The following SPOCK2 variants were observed in gnomAD, a reference collection of about 807,000 sequenced individuals.
The protein encoded by SPOCK2 is SPARC (osteonectin), cwcv and kazal like domains proteoglycan 2.
Under a neutral mutation model 60.1 loss-of-function variants are expected in SPOCK2, and 39 were observed. The ratio of observed to expected loss-of-function variants is 0.65; its 90% CI spans 0.50 to 0.85. The LOEUF (loss-of-function observed/expected upper bound fraction) is 0.85. SPOCK2 is among the 40% of genes least tolerant of loss of function. The pLI is 0.00. For missense variants in SPOCK2, 523 were observed against 567.4 expected (o/e 0.92, Z 0.80); for synonymous variants, 217 against 231.5 (o/e 0.94, Z 0.57).
At chr10:72,077,960 C>T (rs1840736053) in intron 1 of SPOCK2, among the ~76,000 whole-genome samples, 1 of 152,202 alleles carries the variant, frequency 6.6e-6, no homozygotes, top group East Asian at 1.9e-4. Flanking sequence ...GCTGCGGCCA[C>T]CCGGATCCTT....
chr10:72,072,681 CT>C (rs1554821401), intron 2 of SPOCK2, 133 bp from the exon 3 acceptor site: 1 of 1,271,186 alleles, frequency 7.9e-7, no homozygotes, highest in Non-Finnish European at 1.1e-6. Context: ...TGGCTGACCC[CT>C]GTCCACCCAG....
At chr10:72,071,268 C>G (rs1283337864) in intron 4 of SPOCK2, among the ~76,000 whole-genome samples, 1 of 152,010 alleles carries the variant, frequency 6.6e-6, no homozygotes, top group African/African-American at 2.4e-5. Context: ...CGGCTCACTG[C>G]AACCTCCGCC....
chr10:72,088,373 T>G lies in SPOCK2; in HGVS notation c.-45A>C. 1 of 1,472,722 alleles carries G rather than the reference T, an allele frequency of 6.8e-7. No individual in the cohort carries two copies. The highest frequency in any genetic ancestry group is 9.0e-7 in the Non-Finnish European group (1 of 1,113,008). The allele number at this position is 1,472,722 out of a possible 1,614,324, so 91.2% of individuals were successfully genotyped here. ...GGGGGGGTCTTGACTTCTGCAGTAT[T>G]TTAATGTCCTTCCTCCCACCCCGCT... On this transcript the variant is annotated 5_prime_UTR_variant, in exon 1 of 11. Coordinates refer to ENST00000373109, the MANE Select transcript of SPOCK2 (RefSeq NM_001244950.2).
In SPOCK2 at chr10:72,088,349, G is replaced by A. The variant is rs774626132; in HGVS notation, c.-21C>T. 3.5e-6 allele frequency: 5 copies of A among 1,419,428 alleles called. No homozygotes were observed. The Admixed American group carries it at 8.8e-5, about 25-fold the overall frequency. The allele number at this position is 1,419,428 out of a possible 1,614,324, so 87.9% of individuals were successfully genotyped here. On this transcript the variant is annotated 5_prime_UTR_variant, in exon 1 of 11. Transcript: ENST00000373109. ...CGCATCGTGGTCTGGGTTCGACCTG[G>A]GGGGGTCTTGACTTCTGCAGTATTT...
chr10:72,067,077 G>A lies in SPOCK2; in HGVS notation c.753C>T (p.Gly251=). Residue 251 remains glycine (G), a synonymous_variant, in exon 8 of 11, where the codon GGC becomes GGT. Coordinates refer to ENST00000373109, the MANE Select transcript of SPOCK2 (RefSeq NM_001244950.2). ...TGGTGTCCAGCTTGGAGAACATCCAGCCAATGGAGTCCTTGCAGCTGGCCC... is the reference window on the plus strand; with the variant it reads ...TGGTGTCCAGCTTGGAGAACATCCAACCAATGGAGTCCTTGCAGCTGGCCC... ...SLGASCKDSI[G]WMFSKLDTSA... 4 of 1,614,190 alleles carry A rather than the reference G, an allele frequency of 2.5e-6. No homozygotes were observed. In the Admixed American group the frequency reaches 6.7e-5, roughly 27 times the overall value.
At chr10:72,074,743 C>T (rs1840692928) in intron 1 of SPOCK2, among the ~76,000 whole-genome samples, 1 of 152,196 alleles carries the variant, frequency 6.6e-6, no homozygotes, top group African/African-American at 2.4e-5. Context: ...CCGCAGACTG[C>T]TCCCGTGAGA....
At chr10:72,082,577 G>A (rs1840800353) in intron 1 of SPOCK2, among the ~76,000 whole-genome samples, 1 of 152,056 alleles carries the variant, frequency 6.6e-6, no homozygotes, top group Non-Finnish European at 1.5e-5. Context: ...GCTAGAGGCT[G>A]GCACAGTGGC....
chr10:72,068,052 C>A, intron 6 of SPOCK2, 135 bp downstream of exon 6: 1 of 1,047,692 alleles, frequency 9.5e-7, no homozygotes. Flanking sequence ...TCTGACCTCA[C>A]AGCTCCCTCA....
rs1300869698 is a variant in SPOCK2 at position 72,059,275 on chromosome 10, CTTTG to C, written c.*3481_*3484del. On this transcript the variant is annotated 3_prime_UTR_variant, in exon 11 of 11. Coordinates refer to ENST00000373109, the MANE Select transcript of SPOCK2 (RefSeq NM_001244950.2). Reference sequence around the variant, plus strand: ...CAACGCACACGCACACAGTCTAACACTTTGTTTTTCAATTTTTTAAAAGACATCT... The same window carrying C: ...CAACGCACACGCACACAGTCTAACACTTTTTCAATTTTTTAAAAGACATCT... The C allele has an allele frequency of 1.3e-5, 2 of 152,614 alleles. No individual in the cohort carries two copies. The highest frequency in any genetic ancestry group is 4.8e-5 in the African/African-American group (2 of 41,402). 9.5% of individuals were successfully genotyped at this position (152,614 alleles called of 1,614,324 possible).
At chr10:72,073,986 C>T (rs554391186) in intron 1 of SPOCK2, among the ~76,000 whole-genome samples, 31 of 152,186 alleles carry the variant, frequency 2.0e-4, no homozygotes, top group African/African-American at 6.5e-4. Context: ...ACTTCCTCTG[C>T]GTGGGGCTCC....
intron 8 of SPOCK2, among the ~76,000 whole-genome samples, chr10:72,065,922 T>C (rs918471463): frequency 1.3e-5 from 2 of 152,188 alleles, no homozygotes; most frequent in African/African-American, 4.8e-5. Flanking sequence ...CAGAAAGATG[T>C]GGTCACTTGC....
intron 8 of SPOCK2, among the ~76,000 whole-genome samples, chr10:72,065,324 C>T (rs928541397): frequency 2.6e-5 from 4 of 152,256 alleles, no homozygotes; most frequent in African/African-American, 7.2e-5. Flanking sequence ...GCGTGAGCCA[C>T]CGCGCCCGGT....
At position 72,088,222 on chromosome 10, in the gene SPOCK2, C is replaced by G; in HGVS notation, c.107G>C (p.Gly36Ala). Residue 36 changes from glycine to alanine, a missense_variant, in exon 1 of 11, where the codon GGC becomes GCC. By Grantham distance (60) the Gly-to-Ala change is moderately conservative. Transcript: ENST00000373109. ...CCATTGCTCGTCCTCCATGAAATTG[C>G]CGGGGGTCTCGCCCTCCTTGAGCCC... ...AKGLKEGETP[G>A]NFMEDEQWLS... 6.2e-7 allele frequency: 1 copy of G among 1,612,616 alleles called. No individual in the cohort carries two copies.
chr10:72,087,828 C>A lies in SPOCK2; in HGVS notation c.189+312G>T, dbSNP rs550159355. ...GTCCAGCGGCAGCCGGGGTCCGGGTCCCCCCGGCCCCGCACCCCTTCCCAC... is the reference window on the plus strand; with the variant it reads ...GTCCAGCGGCAGCCGGGGTCCGGGTACCCCCGGCCCCGCACCCCTTCCCAC... On this transcript the variant is annotated intron_variant, in intron 1 of 10. Transcript: ENST00000373109. The surrounding 1 kb of genome is among the most constrained non-coding windows in gnomAD (Gnocchi z 4.7). Among the ~76,000 whole-genome samples, 127 of 152,112 alleles carry A rather than the reference C, an allele frequency of 8.3e-4. 1 individual carries two copies. The Middle Eastern group carries it at 0.017, about 21-fold the overall frequency.
Position 72,068,274 on chromosome 10 carries a change from T to G in SPOCK2, c.502A>C (p.Ser168Arg), listed in dbSNP as rs1395870754. Residue 168 changes from serine to arginine, a missense_variant, in exon 6 of 11, where the codon AGC becomes CGC. By Grantham distance (110) the Ser-to-Arg change is moderately radical. Coordinates refer to ENST00000373109, the MANE Select transcript of SPOCK2 (RefSeq NM_001244950.2). ...VCKLEQQACLSSKQLAVRCEG... is the reference protein window; with the variant it reads ...VCKLEQQACLRSKQLAVRCEG... ...CATCGCACCGCCAGCTGCTTGCTGCTCAGGCACGCCTGTTGCTCCAGCTTA... is the reference window on the plus strand; with the variant it reads ...CATCGCACCGCCAGCTGCTTGCTGCGCAGGCACGCCTGTTGCTCCAGCTTA... 1.9e-6 allele frequency: 3 copies of G among 1,611,810 alleles called. No homozygotes were observed. Among genetic ancestry groups the G allele is most frequent in the Non-Finnish European group, 1.7e-6 (2 of 1,179,318 alleles).
Position 72,087,688 on chromosome 10 carries a change from G to A in SPOCK2, c.189+452C>T, listed in dbSNP as rs1840880158. 6.6e-6 allele frequency among the ~76,000 whole-genome samples: 1 copy of A among 152,210 alleles called. No individual in the cohort carries two copies. The highest frequency in any genetic ancestry group is 1.9e-4 in the East Asian group (1 of 5,184). Reference sequence around the variant, plus strand: ...GCGAGCCGATGCCACCCTCACTGCCGGCCCCACCCAGACCTGCCGGTGCTG... The same window carrying A: ...GCGAGCCGATGCCACCCTCACTGCCAGCCCCACCCAGACCTGCCGGTGCTG... On this transcript the variant is annotated intron_variant, in intron 1 of 10. Coordinates refer to ENST00000373109, the MANE Select transcript of SPOCK2 (RefSeq NM_001244950.2). This position sits in a 1 kb window ranked among gnomAD's most constrained non-coding sequence, Gnocchi z 4.7.
Position 72,088,308 on chromosome 10 carries a change from C to T in SPOCK2, c.21G>A (p.Gly7=), listed in dbSNP as rs564209448. ...GGAGCAGCAGCGGCAGCACCAGCCG[C>T]CCGCAGCCCGGGGCGCGCATCGTGG... MRAPGC[G]RLVLPLLLLA... Residue 7 remains glycine, a synonymous_variant, in exon 1 of 11, where the codon GGG becomes GGA. Transcript: ENST00000373109. The T allele has an allele frequency of 5.0e-6, 8 of 1,587,380 alleles. No homozygotes were observed. The East Asian group carries it at 1.4e-4, about 27-fold the overall frequency.
intron 1 of SPOCK2, among the ~76,000 whole-genome samples, chr10:72,075,425 G>T (rs2131818307): frequency 6.6e-6 from 1 of 151,994 alleles, no homozygotes; most frequent in African/African-American, 2.4e-5. Context: ...TAGGGAAGGT[G>T]CCTCCAGCCC....
In SPOCK2 at chr10:72,066,983, G is replaced by T; in HGVS notation, c.847C>A (p.Arg283Ser). 1 of 1,614,164 alleles carries T rather than the reference G, an allele frequency of 6.2e-7. No individual in the cohort carries two copies. Among genetic ancestry groups the T allele is most frequent in the Non-Finnish European group, 8.5e-7 (1 of 1,180,038 alleles). The change falls in exon 8 of 11, where the codon CGT becomes AGT. Residue 283 changes from arginine (R) to serine (S), a missense_variant. Physicochemically the swap from Arg to Ser is moderately radical, Grantham distance 110. Transcript: ENST00000373109. ...GTGTCACAGGAGTTGAAGAAGGGAC[G>T]GATGCAGACCTCGTACTTGTCCAGG... is the stretch of plus-strand genomic sequence containing the variant. ...INLDKYEVCI[R>S]PFFNSCDTYK... is the part of the protein sequence containing the mutation.
Sources: gnomAD v4.1 joint callset for allele counts (sites outside exome capture counted in the v4.1 genomes callset) on GRCh38, gnomAD v4.1.1 for gene constraint, Gnocchi (gnomAD v3.1) non-coding constraint, MANE v1.5 for transcripts, NCBI Gene and HGNC (gene_info 2026-07-23, HGNC 2026-07-21) for gene names.